ROBO1: variants seen among roughly 807,000 people sequenced by gnomAD.
The protein encoded by ROBO1 is roundabout guidance receptor 1.
ROBO1 carries 149 observed loss-of-function variants against 195.9 expected under a neutral mutation model. The ratio of observed to expected loss-of-function variants is 0.76; its 90% CI spans 0.67 to 0.87. The LOEUF (loss-of-function observed/expected upper bound fraction) is 0.87, where lower values mean the gene tolerates loss of function less well. ROBO1 is among the 40% of genes least tolerant of loss of function. The probability of loss-of-function intolerance (pLI) is 0.00; values close to 1 mark genes in which losing one functional copy is unlikely to be tolerated. For synonymous variants in ROBO1, 816 were observed against 733.2 expected (o/e 1.11, Z -1.82); for missense variants, 1,933 against 2,068.3 (o/e 0.93, Z 1.27).
At chr3:79,276,176 G>A (rs2108987478) in intron 2 of ROBO1, among the ~76,000 whole-genome samples, 1 of 152,084 alleles carries the variant, frequency 6.6e-6, no homozygotes, top group East Asian at 1.9e-4. Flanking sequence ...GCTATCCTGA[G>A]CAAAAAGAAC....
intron 3 of ROBO1, among the ~76,000 whole-genome samples, chr3:79,104,646 G>A (rs905898822): frequency 5.9e-5 from 9 of 151,544 alleles, no homozygotes; most frequent in South Asian, 2.1e-4. Flanking sequence ...ACAGCCATAC[G>A]AGTTCGGTAC....
At chr3:79,163,993 C>G (rs75122308) in intron 2 of ROBO1, among the ~76,000 whole-genome samples, 2,304 of 152,162 alleles carry the variant, frequency 0.015, 41 homozygotes, top group African/African-American at 0.05. Context: ...CCAGTAAGAT[C>G]TCACCCTGCA....
chr3:79,651,336 G>C (rs1259450899), intron 1 of ROBO1, among the ~76,000 whole-genome samples: 1 of 151,848 alleles, frequency 6.6e-6, no homozygotes, highest in East Asian at 1.9e-4. Flanking sequence ...AAAGATGGTG[G>C]GTGTATGAAT....
chr3:79,430,835 A>G (rs2107026313), intron 2 of ROBO1, among the ~76,000 whole-genome samples: 1 of 152,250 alleles, frequency 6.6e-6, no homozygotes, highest in Non-Finnish European at 1.5e-5. Context: ...CAAATAAGTT[A>G]TTGATGGGAT....
chr3:78,606,621 G>A (rs2107286812), intron 29 of ROBO1, 112 bp downstream of exon 29: 1 of 1,041,912 alleles, frequency 9.6e-7, no homozygotes, highest in East Asian at 2.4e-5. Context: ...CTCCTCCACT[G>A]GAGAGCAAAC....
intron 2 of ROBO1, among the ~76,000 whole-genome samples, chr3:79,355,701 C>T (rs1331241780): frequency 6.6e-6 from 1 of 152,126 alleles, no homozygotes; most frequent in East Asian, 1.9e-4. Flanking sequence ...GAAAATAATG[C>T]CCTCCAGGTT....
At chr3:79,700,305 G>T (rs28836178) in intron 1 of ROBO1, among the ~76,000 whole-genome samples, 1 of 114,996 alleles carries the variant, frequency 8.7e-6, no homozygotes, top group African/African-American at 3.4e-5. Context: ...GTGTGTGTTT[G>T]TGTGTGTGTG....
At chr3:79,455,785 A>G (rs1463876542) in intron 2 of ROBO1, among the ~76,000 whole-genome samples, 1 of 152,116 alleles carries the variant, frequency 6.6e-6, no homozygotes, top group African/African-American at 2.4e-5. Flanking sequence ...GTAACAACTG[A>G]TAAGTTGTAA....
At chr3:79,078,216 A>G (rs1283924735) in intron 3 of ROBO1, among the ~76,000 whole-genome samples, 1 of 151,892 alleles carries the variant, frequency 6.6e-6, no homozygotes, top group Non-Finnish European at 1.5e-5. Flanking sequence ...TATTAACTCT[A>G]AACATTAATT....
intron 1 of ROBO1, among the ~76,000 whole-genome samples, chr3:79,603,955 T>C (rs1944410988): frequency 1.3e-5 from 2 of 151,904 alleles, no homozygotes; most frequent in Non-Finnish European, 2.9e-5. Flanking sequence ...AGAAGAGAGA[T>C]CGCTCTGCAG....
chr3:78,921,875 C>T lies in ROBO1; in HGVS notation c.499+16726G>A, dbSNP rs181526530. Among the ~76,000 whole-genome samples the T allele has an allele frequency of 5.0e-3, 755 of 152,100 alleles. 5 individuals are homozygous for T. The highest frequency in any genetic ancestry group is 0.017 in the African/African-American group (717 of 41,480). On this transcript the variant is annotated intron_variant, in intron 4 of 30. Coordinates refer to ENST00000464233, the MANE Select transcript of ROBO1 (RefSeq NM_002941.4). ...GATCTCAGTTCACTGCAACCTCCGC[C>T]TCTCGGGTTCAAGCGATTCCCCTTC...
intron 4 of ROBO1, among the ~76,000 whole-genome samples, chr3:78,811,508 G>A (rs1008214280): frequency 6.6e-5 from 10 of 152,060 alleles, no homozygotes; most frequent in African/African-American, 2.4e-4. Context: ...GCTCTCCCAG[G>A]CCTGTGGAAA....
At chr3:79,251,397 A>G (rs2082726047) in intron 2 of ROBO1, among the ~76,000 whole-genome samples, 1 of 152,206 alleles carries the variant, frequency 6.6e-6, no homozygotes, top group Admixed American at 6.5e-5. Context: ...AAAGAAATTC[A>G]GGATAATGGC....
chr3:79,456,210 A>G (rs1453387880), intron 2 of ROBO1, among the ~76,000 whole-genome samples: 1 of 152,158 alleles, frequency 6.6e-6, no homozygotes, highest in Non-Finnish European at 1.5e-5. Context: ...TGGCCTTGCA[A>G]ATTAACACAA....
At position 79,687,590 on chromosome 3, in the gene ROBO1, A is replaced by G. The variant is rs1158248905; in HGVS notation, c.-51+80162T>C. On this transcript the variant is annotated intron_variant, in intron 1 of 30. Transcript: ENST00000464233. ...GACCAGACACTTCTCAAAAGAAGAC[A>G]TTTATGCATCCAACAGACACATGAA... is the stretch of plus-strand genomic sequence containing the variant. Among the ~76,000 whole-genome samples the G allele has an allele frequency of 2.0e-5, 3 of 152,224 alleles. No homozygotes were observed. In the East Asian group the frequency reaches 5.8e-4, roughly 29 times the overall value.
At position 78,780,835 on chromosome 3, in the gene ROBO1, C is replaced by T. The variant is rs559967422; in HGVS notation, c.500-33935G>A. 3.3e-5 allele frequency among the ~76,000 whole-genome samples: 5 copies of T among 152,074 alleles called. No homozygotes were observed. The South Asian group carries it at 8.3e-4, about 25-fold the overall frequency. On this transcript the variant is annotated intron_variant, in intron 4 of 30. Transcript: ENST00000464233. The stretch of plus-strand genomic sequence containing the variant: ...CTGTCTTCTTGACTGGATTTTTCTC[C>T]GTGTTTTCTTTTTTATTATGATTTT...
chr3:79,513,495 T>G (rs1689886101), intron 2 of ROBO1, among the ~76,000 whole-genome samples: 1 of 152,072 alleles, frequency 6.6e-6, no homozygotes, highest in Non-Finnish European at 1.5e-5. Context: ...ATTAAATTAT[T>G]CTTCTCATGA....
chr3:78,769,108 T>G (rs1424090633), intron 4 of ROBO1, among the ~76,000 whole-genome samples: 1 of 152,130 alleles, frequency 6.6e-6, no homozygotes, highest in Non-Finnish European at 1.5e-5. Flanking sequence ...ACATCCATTG[T>G]TTCTTTGTTG....
Position 79,245,599 on chromosome 3 carries a change from A to T in ROBO1, c.89-120060T>A, listed in dbSNP as rs1041548604. 7.9e-5 allele frequency among the ~76,000 whole-genome samples: 12 copies of T among 152,122 alleles called. No individual in the cohort carries two copies. In the South Asian group the frequency reaches 2.5e-3, roughly 31 times the overall value. ...CACAGAAAAACGCAGTTAAAAAAAA[A>T]TAAATCATGACTCCAGCAAAGACCC... On this transcript the variant is annotated intron_variant, in intron 2 of 30. Transcript: ENST00000464233.
Sources: gnomAD v4.1 joint callset for allele counts (sites outside exome capture counted in the v4.1 genomes callset) on GRCh38, gnomAD v4.1.1 for gene constraint, MANE v1.5 for transcripts, NCBI Gene and HGNC (gene_info 2026-07-23, HGNC 2026-07-21) for gene names.